NRCAM: variants seen among roughly 807,000 people sequenced by gnomAD.
NRCAM encodes the protein neuronal cell adhesion molecule.
A neutral mutation model predicts 156.5 loss-of-function variants in NRCAM; 83 were observed. The ratio of observed to expected loss-of-function variants is 0.53; its 90% CI spans 0.44 to 0.64. The LOEUF (loss-of-function observed/expected upper bound fraction) is 0.64, where lower values mean the gene tolerates loss of function less well. NRCAM is among the 30% of genes least tolerant of loss of function. The probability of loss-of-function intolerance (pLI) is 0.00; values close to 1 mark genes in which losing one functional copy is unlikely to be tolerated. For synonymous variants in NRCAM, 538 were observed against 563.9 expected, an observed-to-expected ratio of 0.95 and a Z score of 0.65; for missense variants, 1,417 against 1,597.3, an observed-to-expected ratio of 0.89 and a Z score of 1.92.
chr7:108,170,094 A>C (rs1210283584), intron 28 of NRCAM, among the ~76,000 whole-genome samples: 2 of 152,144 alleles, frequency 1.3e-5, no homozygotes, highest in Admixed American at 6.5e-5. Context: ...TCCTAAATTC[A>C]TTGCAGCATT....
At chr7:108,375,337 G>T (rs935153645) in intron 2 of NRCAM, among the ~76,000 whole-genome samples, 1 of 140,276 alleles carries the variant, frequency 7.1e-6, no homozygotes, top group Admixed American at 7.3e-5. Context: ...AATTAATAAT[G>T]ATTTTTAAAG....
intron 32 of NRCAM, among the ~76,000 whole-genome samples, chr7:108,153,499 A>G (rs879272645): frequency 4.6e-5 from 7 of 152,144 alleles, no homozygotes; most frequent in Admixed American, 1.3e-4. Flanking sequence ...AGAAACCTAA[A>G]GTAAACATCA....
intron 13 of NRCAM, among the ~76,000 whole-genome samples, chr7:108,203,454 T>TG (rs1434137850): frequency 6.6e-6 from 1 of 151,358 alleles, no homozygotes; most frequent in South Asian, 2.1e-4. Flanking sequence ...TTCCAGTTTT[T>TG]TTTTTTTAAA....
intron 2 of NRCAM, among the ~76,000 whole-genome samples, chr7:108,374,015 A>C (rs748928860): frequency 2.8e-4 from 42 of 152,306 alleles, no homozygotes; most frequent in Non-Finnish European, 5.0e-4. Context: ...AAACACCCAG[A>C]CCAGAGACAC....
At chr7:108,410,415 G>T (rs1596917362) in intron 1 of NRCAM, among the ~76,000 whole-genome samples, 1 of 152,198 alleles carries the variant, frequency 6.6e-6, no homozygotes. Context: ...AAGGTGAAAT[G>T]TGAGAGTGCT....
In NRCAM at chr7:108,209,463, C is replaced by T. The variant is rs1260947269; in HGVS notation, c.1033G>A (p.Ala345Thr). 3 of 1,608,972 alleles carry T rather than the reference C, an allele frequency of 1.9e-6. No homozygotes were observed. Among genetic ancestry groups the T allele is most frequent in the Non-Finnish European group, 2.5e-6 (3 of 1,177,830 alleles). The change falls in exon 12 of 33, where the codon GCA becomes ACA. Residue 345 changes from alanine (A) to threonine (T), a missense_variant. By Grantham distance (58) the Ala-to-Thr change is moderately conservative. Around this residue, in one of 2 missense-constraint regions of NRCAM, gnomAD observed 1,238 missense variants for 1,336.4 expected, o/e 0.93. Transcript: ENST00000379028. ...ATGGTATGGTGGATGGCTCCTAATG[C>T]GTTTTTTGCTATACATTGGTAATTT... ...SGNYQCIAKN[A>T]LGAIHHTISV...
intron 19 of NRCAM, 150 bp downstream of exon 19, chr7:108,191,104 C>A: frequency 3.7e-6 from 2 of 539,676 alleles, no homozygotes; most frequent in Non-Finnish European, 3.2e-6. Flanking sequence ...GATTCATTGT[C>A]AGTAAATGGG....
intron 8 of NRCAM, among the ~76,000 whole-genome samples, chr7:108,229,290 T>C (rs968107257): frequency 3.9e-5 from 6 of 152,194 alleles, no homozygotes; most frequent in African/African-American, 1.4e-4. Context: ...AGGGATGGTG[T>C]CTCACTCTGC....
intron 3 of NRCAM, among the ~76,000 whole-genome samples, chr7:108,303,116 C>G (rs922037857): frequency 2.6e-5 from 4 of 152,112 alleles, no homozygotes; most frequent in African/African-American, 9.7e-5. Context: ...CACGTGCCAC[C>G]ACGCCCAGGT....
intron 8 of NRCAM, among the ~76,000 whole-genome samples, chr7:108,230,798 C>T (rs1022711281): frequency 2.6e-5 from 4 of 152,006 alleles, no homozygotes; most frequent in African/African-American, 9.7e-5. Context: ...TTATCATCTG[C>T]CTCCTTCCCC....
intron 3 of NRCAM, among the ~76,000 whole-genome samples, chr7:108,258,573 A>G (rs1288935665): frequency 2.0e-5 from 3 of 152,208 alleles, no homozygotes; most frequent in Non-Finnish European, 4.4e-5. Context: ...TAGGCTGTTG[A>G]GTCAGAGCCT....
rs768836598 is a variant in NRCAM at position 108,231,070 on chromosome 7, T to C, written c.511A>G (p.Ile171Val). 3.7e-6 allele frequency: 6 copies of C among 1,608,368 alleles called. No individual in the cohort carries two copies. The highest frequency in any genetic ancestry group is 1.7e-5 in the Admixed American group (1 of 59,466). ...AATATTATAGGTGGTGGTAATCCAA[T>C]TGGGGGTCTGCAGGGAAGTACTAAA... ...QSLVLPCRPP[I>V]GLPPPIIFWM... Residue 171 changes from isoleucine (I) to valine (V), a missense_variant, in exon 8 of 33, where the codon ATT becomes GTT. Ile to Val is a conservative substitution (Grantham distance 29, BLOSUM62 3). Transcript: ENST00000379028.
intron 1 of NRCAM, among the ~76,000 whole-genome samples, chr7:108,428,231 T>C (rs927232208): frequency 1.1e-4 from 16 of 152,192 alleles, no homozygotes; most frequent in African/African-American, 2.7e-4. Context: ...CTACACACTG[T>C]TGAGAAAAGA....
intron 11 of NRCAM, among the ~76,000 whole-genome samples, chr7:108,210,089 C>T (rs569652085): frequency 6.6e-6 from 1 of 151,992 alleles, no homozygotes; most frequent in South Asian, 2.1e-4. Context: ...AATAATTTTC[C>T]TATTTTACAG....
intron 1 of NRCAM, among the ~76,000 whole-genome samples, chr7:108,452,908 G>A (rs1234904143): frequency 1.3e-5 from 2 of 152,148 alleles, no homozygotes; most frequent in Non-Finnish European, 2.9e-5. Flanking sequence ...AGTAATGACT[G>A]GAAGGGACCA....
intron 13 of NRCAM, among the ~76,000 whole-genome samples, chr7:108,204,497 TC>T (rs1374474828): frequency 1.3e-5 from 2 of 152,212 alleles, no homozygotes; most frequent in African/African-American, 4.8e-5. Context: ...TAATCCACTT[TC>T]AGCTTGGCCA....
chr7:108,391,187 A>G (rs1451002341), intron 2 of NRCAM, among the ~76,000 whole-genome samples: 1 of 152,062 alleles, frequency 6.6e-6, no homozygotes, highest in Non-Finnish European at 1.5e-5. Flanking sequence ...AAAGTCTCCC[A>G]TTATTATTGT....
At chr7:108,185,324 T>C (rs2066010056) in intron 20 of NRCAM, among the ~76,000 whole-genome samples, 1 of 152,236 alleles carries the variant, frequency 6.6e-6, no homozygotes, top group Admixed American at 6.5e-5. Flanking sequence ...ATAATTTACA[T>C]TGTAGTATTA....
At chr7:108,261,477 TTA>T (rs1303531185) in intron 3 of NRCAM, among the ~76,000 whole-genome samples, 1 of 152,246 alleles carries the variant, frequency 6.6e-6, no homozygotes. Flanking sequence ...TTATATTTTA[TTA>T]ATCAACAGAT....
Sources: gnomAD v4.1 joint callset for allele counts (sites outside exome capture counted in the v4.1 genomes callset) on GRCh38, gnomAD v4.1.1 for gene constraint, gnomAD v4.1.1 regional missense constraint, MANE v1.5 for transcripts, NCBI Gene and HGNC (gene_info 2026-07-23, HGNC 2026-07-21) for gene names.